FAM193A: variants seen among roughly 807,000 people sequenced by gnomAD.
FAM193A encodes protein FAM193A.
In FAM193A, 22 loss-of-function variants were observed where a neutral mutation model predicts 126.5. The observed-to-expected ratio is 0.17, with a 90% CI of 0.12 to 0.25. The LOEUF (loss-of-function observed/expected upper bound fraction) is 0.25, where lower values mean the gene tolerates loss of function less well. FAM193A is among the 10% of genes least tolerant of loss of function. The pLI is 1.00. For synonymous variants in FAM193A, 761 were observed against 646.8 expected (o/e 1.18, Z -2.68); for missense variants, 1,675 against 1,672.8 (o/e 1.00, Z -0.02).
chr4:2,687,906 C>T (rs1715921016), intron 13 of FAM193A, among the ~76,000 whole-genome samples: 1 of 152,198 alleles, frequency 6.6e-6, no homozygotes, highest in African/African-American at 2.4e-5. Flanking sequence ...CCTGTACGTG[C>T]GCCATCCCTT....
At chr4:2,562,441 C>G (rs986896818) in intron 1 of FAM193A, among the ~76,000 whole-genome samples, 1 of 152,092 alleles carries the variant, frequency 6.6e-6, no homozygotes, top group African/African-American at 2.4e-5. Flanking sequence ...AAAGCGAGAC[C>G]CTGCCTTTAA....
chr4:2,690,661 CT>C lies in FAM193A; in HGVS notation c.2531-36del, dbSNP rs751859564. The C allele has an allele frequency of 1.9e-5, 30 of 1,575,890 alleles. No individual in the cohort carries two copies. In the South Asian group the frequency reaches 3.2e-4, roughly 17 times the overall value. On this transcript the variant is annotated intron_variant, in intron 14 of 20. Transcript: ENST00000637812. ...TTTAGGGTTTAGCTAAGTATGATTGCTGTCAGAAGCCTTAATTTTCCTGTTC... is the reference window on the plus strand; with the variant it reads ...TTTAGGGTTTAGCTAAGTATGATTGCGTCAGAAGCCTTAATTTTCCTGTTC...
At chr4:2,673,855 T>C (rs1714097231) in intron 13 of FAM193A, among the ~76,000 whole-genome samples, 1 of 152,208 alleles carries the variant, frequency 6.6e-6, no homozygotes, top group African/African-American at 2.4e-5. Flanking sequence ...TGGTTAAAAA[T>C]TGATTATTTT....
intron 12 of FAM193A, among the ~76,000 whole-genome samples, chr4:2,664,860 G>A (rs1712930142): frequency 6.6e-6 from 1 of 152,140 alleles, no homozygotes; most frequent in African/African-American, 2.4e-5. Context: ...ACTGCACCCG[G>A]CTGGTACACC....
rs71178489 is a variant in FAM193A at position 2,603,451 on chromosome 4, A to ATTT, written c.501+7143_501+7145dup. ...AGGTATGCACTACCACGCCCAGCTA[A>ATTT]TTTTTTTTTTTTTTTTTTTTTTTGA... On this transcript the variant is annotated intron_variant, in intron 2 of 20. Coordinates refer to ENST00000637812, the MANE Select transcript of FAM193A (RefSeq NM_001366318.2). 1.7e-4 allele frequency among the ~76,000 whole-genome samples: 17 copies of ATTT among 99,280 alleles called. 1 individual carries two copies. Among genetic ancestry groups the ATTT allele is most frequent in the Non-Finnish European group, 2.5e-4 (13 of 51,540 alleles). 65.1% of individuals were successfully genotyped at this position (99,280 alleles called of 152,430 possible).
chr4:2,719,837 T>C (rs1249993727), intron 20 of FAM193A: 3 of 143,672 alleles, frequency 2.1e-5, no homozygotes, highest in Admixed American at 2.0e-4. Context: ...TCACCTAGGC[T>C]TGAGTGCCAT....
chr4:2,618,984 G>A (rs150583928), intron 2 of FAM193A, among the ~76,000 whole-genome samples: 45 of 152,176 alleles, frequency 3.0e-4, no homozygotes, highest in African/African-American at 1.1e-3. Flanking sequence ...CACCTGCCTT[G>A]GCCTCCCAAA....
intron 15 of FAM193A, among the ~76,000 whole-genome samples, chr4:2,693,210 C>A (rs1043707035): frequency 6.6e-6 from 1 of 151,854 alleles, no homozygotes; most frequent in Non-Finnish European, 1.5e-5. Context: ...AGTAGAGATG[C>A]GGTTTCACTG....
At chr4:2,646,610 C>T in intron 6 of FAM193A, 75 bp from the exon 7 acceptor site, 2 of 1,437,092 alleles carry the variant, frequency 1.4e-6, no homozygotes, top group Non-Finnish European at 1.9e-6. Context: ...ATAGTATCAG[C>T]AGGAAGCACA....
At chr4:2,630,765 C>T (rs912959174) in intron 4 of FAM193A, among the ~76,000 whole-genome samples, 170 bp from the exon 5 acceptor site, 5 of 152,224 alleles carry the variant, frequency 3.3e-5, no homozygotes, top group Non-Finnish European at 7.3e-5. Flanking sequence ...CCGGATTCCC[C>T]ATCCATTAGG....
rs1478963895 is a variant in FAM193A at position 2,596,288 on chromosome 4, G to A, written c.460G>A (p.Val154Met). ...LWVCPDCRRT[V>M]EKEERHGGLD... Reference sequence around the variant, plus strand: ...GGTGTGCCCGGACTGCCGCAGGACCGTGGAGAAGGAGGAGAGGCATGGCGG... The same window carrying A: ...GGTGTGCCCGGACTGCCGCAGGACCATGGAGAAGGAGGAGAGGCATGGCGG... The change falls in exon 2 of 21, where the codon GTG becomes ATG. Residue 154 changes from valine (V) to methionine (M), a missense_variant. Around this residue, in one of 4 missense-constraint regions of FAM193A, gnomAD observed 1,186 missense variants for 1,109.2 expected, o/e 1.07. Transcript: ENST00000637812. 2.1e-5 allele frequency: 15 copies of A among 702,860 alleles called. No homozygotes were observed. Among genetic ancestry groups the A allele is most frequent in the East Asian group, 5.4e-5 (2 of 37,302 alleles). The allele number at this position is 702,860 out of a possible 1,614,324, so 43.5% of individuals were successfully genotyped here. A position where few individuals can be genotyped will look rare whatever the true frequency, so the allele number is the denominator to read the frequency against.
At chr4:2,563,173 G>T (rs1738731532) in intron 1 of FAM193A, among the ~76,000 whole-genome samples, 1 of 151,636 alleles carries the variant, frequency 6.6e-6, no homozygotes, top group Non-Finnish European at 1.5e-5. Context: ...TTGAACTCCT[G>T]ACCTCGTGAT....
intron 12 of FAM193A, among the ~76,000 whole-genome samples, chr4:2,664,765 A>G (rs775582022): frequency 1.2e-4 from 18 of 151,554 alleles, no homozygotes; most frequent in Non-Finnish European, 2.5e-4. Flanking sequence ...GGGTTTCACT[A>G]TATTGGCCAG....
At chr4:2,609,506 C>G (rs1349637481) in intron 2 of FAM193A, among the ~76,000 whole-genome samples, 1 of 152,138 alleles carries the variant, frequency 6.6e-6, no homozygotes, top group Non-Finnish European at 1.5e-5. Context: ...TCTTTATTCT[C>G]ATATATCATA....
At chr4:2,677,489 C>T (rs1248788226) in intron 13 of FAM193A, among the ~76,000 whole-genome samples, 1 of 151,460 alleles carries the variant, frequency 6.6e-6, no homozygotes, top group Non-Finnish European at 1.5e-5. Flanking sequence ...ACTTGTAATC[C>T]CAGCACTTTG....
intron 2 of FAM193A, among the ~76,000 whole-genome samples, chr4:2,597,642 T>C (rs1390420518): frequency 2.6e-5 from 4 of 152,286 alleles, no homozygotes; most frequent in African/African-American, 9.6e-5. Flanking sequence ...CCAGAAACAG[T>C]GACCTTGGGA....
chr4:2,580,888 G>T (rs945117508), intron 1 of FAM193A, among the ~76,000 whole-genome samples: 6 of 152,208 alleles, frequency 3.9e-5, no homozygotes, highest in Non-Finnish European at 7.3e-5. Context: ...CCAGCACTTT[G>T]GGAGGCCGAG....
intron 1 of FAM193A, among the ~76,000 whole-genome samples, chr4:2,567,900 C>T (rs1298925892): frequency 6.6e-6 from 1 of 152,216 alleles, no homozygotes; most frequent in Non-Finnish European, 1.5e-5. Flanking sequence ...TCCTTTCTTC[C>T]ATTACCCTGT....
At chr4:2,617,712 T>A (rs1742297125) in intron 2 of FAM193A, among the ~76,000 whole-genome samples, 1 of 152,232 alleles carries the variant, frequency 6.6e-6, no homozygotes, top group African/African-American at 2.4e-5. Context: ...GTAGTGTAAG[T>A]ACCTTACAGT....
Sources: allele counts gnomAD v4.1 joint callset (sites outside exome capture counted in the v4.1 genomes callset), GRCh38; gene constraint gnomAD v4.1.1; regional missense constraint gnomAD v4.1.1; transcripts MANE v1.5; gene names NCBI Gene and HGNC (gene_info 2026-07-23, HGNC 2026-07-21).